The following MAG variants were observed in gnomAD, a reference collection of about 807,000 sequenced individuals.
MAG encodes myelin-associated glycoprotein.
A neutral mutation model predicts 60.7 loss-of-function variants in MAG; 30 were observed. The ratio of observed to expected loss-of-function variants is 0.49; its 90% CI spans 0.37 to 0.67. The LOEUF is 0.67. MAG is among the 30% of genes least tolerant of loss of function. The pLI, the probability that MAG is intolerant of heterozygous loss-of-function variation, is 0.00. For synonymous variants in MAG, 384 were observed against 376.8 expected (o/e 1.02, Z -0.22); for missense variants, 795 against 851.7 (o/e 0.93, Z 0.83).
Position 35,293,110 on chromosome 19 carries a change from T to C in MAG, c.-80+906T>C, listed in dbSNP as rs950794786. Among the ~76,000 whole-genome samples the C allele has an allele frequency of 6.6e-6, 1 of 152,108 alleles. No individual in the cohort carries two copies. Among genetic ancestry groups the C allele is most frequent in the African/African-American group, 2.4e-5 (1 of 41,420 alleles). On this transcript the variant is annotated intron_variant, in intron 1 of 10. Coordinates refer to ENST00000392213, the MANE Select transcript of MAG (RefSeq NM_002361.4). This position sits in a 1 kb window ranked among gnomAD's most constrained non-coding sequence, Gnocchi z 4.0. Reference sequence around the variant, plus strand: ...CTTGTTTCATGTCTGCCCGGGCACGTGCTCATCCTCATCTGCATCTCTCTC... The same window carrying C: ...CTTGTTTCATGTCTGCCCGGGCACGCGCTCATCCTCATCTGCATCTCTCTC...
rs1243373608 is a variant in MAG at position 35,296,226 on chromosome 19, A to C, written c.415+245A>C. 2.6e-5 allele frequency among the ~76,000 whole-genome samples: 4 copies of C among 152,196 alleles called. No individual in the cohort carries two copies. In the East Asian group the frequency reaches 7.7e-4, roughly 29 times the overall value. On this transcript the variant is annotated intron_variant, in intron 4 of 10. Transcript: ENST00000392213. ...GAAACAGGTGCTGCTACTCTTTTGG[A>C]AACACCTGGAGAAAGGCAGTGGGGC...
At chr19:35,307,166 G>A (rs761960044) in intron 7 of MAG, among the ~76,000 whole-genome samples, 3 of 152,358 alleles carry the variant, frequency 2.0e-5, no homozygotes, top group Admixed American at 2.0e-4. Flanking sequence ...AATGTACTCC[G>A]TGGCGTGTTA....
At chr19:35,311,750 G>A (rs1216524357) in intron 9 of MAG, among the ~76,000 whole-genome samples, 168 bp from the exon 10 acceptor site, 1 of 152,202 alleles carries the variant, frequency 6.6e-6, no homozygotes, top group African/African-American at 2.4e-5. Context: ...CACAGAGGTG[G>A]GAAGGATGGG....
At chr19:35,311,094 G>A (rs2066523785) in intron 9 of MAG, among the ~76,000 whole-genome samples, 1 of 152,192 alleles carries the variant, frequency 6.6e-6, no homozygotes. Context: ...CACTTTAGGA[G>A]GCCAAGGAGG....
intron 4 of MAG, among the ~76,000 whole-genome samples, chr19:35,296,859 CACACACT>C (rs2066401898): frequency 6.6e-6 from 1 of 150,382 alleles, no homozygotes; most frequent in Non-Finnish European, 1.5e-5. Context: ...AACCACACAC[CACACACT>C]GCTCCTGCTA....
chr19:35,312,183 G>T, intron 10 of MAG, 166 bp downstream of exon 10: 2 of 1,322,254 alleles, frequency 1.5e-6, no homozygotes, highest in Non-Finnish European at 2.2e-6. Context: ...GGGAGGAGGT[G>T]CCCAGGCCGA....
chr19:35,299,020 C>T (rs2066425122), intron 4 of MAG, among the ~76,000 whole-genome samples: 1 of 149,880 alleles, frequency 6.7e-6, no homozygotes, highest in Non-Finnish European at 1.5e-5. Context: ...CATCACACTA[C>T]ACACATGCAC....
chr19:35,302,838 G>A (rs933889466), intron 7 of MAG, 130 bp downstream of exon 7: 3 of 1,132,852 alleles, frequency 2.6e-6, no homozygotes, highest in African/African-American at 1.5e-5. Context: ...GGAAGGGAGG[G>A]CAGGGAAGCT....
rs540271778 is a variant in MAG at position 35,302,797 on chromosome 19, T to C, written c.1231+89T>C. Reference sequence around the variant, plus strand: ...GTGGGTGCCCACGCATCCCAATCAGTATTGGCTTTGCCTGTCCTCCGCAGA... The same window carrying C: ...GTGGGTGCCCACGCATCCCAATCAGCATTGGCTTTGCCTGTCCTCCGCAGA... On this transcript the variant is annotated intron_variant, in intron 7 of 10. Transcript: ENST00000392213. 51 of 1,517,726 alleles carry C rather than the reference T, an allele frequency of 3.4e-5. No homozygotes were observed. The East Asian group carries it at 1.1e-3, about 34-fold the overall frequency. 94.0% of individuals were successfully genotyped at this position (1,517,726 alleles called of 1,614,324 possible).
chr19:35,301,439 T>C (rs1051161279), intron 6 of MAG, among the ~76,000 whole-genome samples: 7 of 149,294 alleles, frequency 4.7e-5, no homozygotes, highest in African/African-American at 1.7e-4. Flanking sequence ...CTTTTTTTTT[T>C]TTTTTTTTTT....
At position 35,295,899 on chromosome 19, in the gene MAG, G is replaced by A; in HGVS notation, c.333G>A (p.Leu111=). The A allele has an allele frequency of 1.9e-6, 3 of 1,614,008 alleles. No individual in the cohort carries two copies. Among genetic ancestry groups the A allele is most frequent in the Non-Finnish European group, 2.5e-6 (3 of 1,179,996 alleles). The change falls in exon 4 of 11, where the codon CTG becomes CTA. Residue 111 remains leucine, a synonymous_variant. Transcript: ENST00000392213. The surrounding 1 kb of genome is among the most constrained non-coding windows in gnomAD (Gnocchi z 5.8). ...TGCTCAGCAACGTCAGCCCCGAGCTGGGCGGGAAGTACTACTTCCGTGGGG... is the reference window on the plus strand; with the variant it reads ...TGCTCAGCAACGTCAGCCCCGAGCTAGGCGGGAAGTACTACTTCCGTGGGG... The part of the protein sequence containing the change: ...TLLLSNVSPE[L]GGKYYFRGDL...
At chr19:35,299,952 G>A in intron 5 of MAG, 102 bp downstream of exon 5, 1 of 1,239,710 alleles carries the variant, frequency 8.1e-7, no homozygotes, top group Non-Finnish European at 1.0e-6. Flanking sequence ...GGGCCGTGAT[G>A]GGGGCGGGGC....
At chr19:35,297,617 C>T (rs1240139560) in intron 4 of MAG, among the ~76,000 whole-genome samples, 1 of 147,656 alleles carries the variant, frequency 6.8e-6, no homozygotes, top group Non-Finnish European at 1.5e-5. Flanking sequence ...ACACACCACA[C>T]ACTGCACACA....
In MAG at chr19:35,309,684, G is replaced by A. The variant is rs182547812; in HGVS notation, c.1232-190G>A. 545 of 630,944 alleles carry A rather than the reference G, an allele frequency of 8.6e-4. 2 individuals carry two copies. Among genetic ancestry groups the A allele is most frequent in the Non-Finnish European group, 1.4e-4 (51 of 359,774 alleles). 39.1% of individuals were successfully genotyped at this position (630,944 alleles called of 1,614,324 possible). On this transcript the variant is annotated intron_variant, in intron 7 of 10. Coordinates refer to ENST00000392213, the MANE Select transcript of MAG (RefSeq NM_002361.4). Reference sequence around the variant, plus strand: ...AAGCTTGCAGTGAAAACAGGCAGCCGGCGGGGTCGTAGTGAGGTCAAGGCG... The same window carrying A: ...AAGCTTGCAGTGAAAACAGGCAGCCAGCGGGGTCGTAGTGAGGTCAAGGCG...
At chr19:35,313,136 G>C (rs2066540847) in intron 10 of MAG, among the ~76,000 whole-genome samples, 154 bp from the exon 11 acceptor site, 1 of 152,220 alleles carries the variant, frequency 6.6e-6, no homozygotes, top group Non-Finnish European at 1.5e-5. Context: ...GGTGACCGCA[G>C]GGCTCGCTGG....
intron 8 of MAG, 57 bp downstream of exon 8, chr19:35,310,218 C>T: frequency 1.3e-6 from 2 of 1,548,518 alleles, no homozygotes; most frequent in Non-Finnish European, 1.8e-6. Context: ...CGTCTTAGAT[C>T]CAAGCTCCCA....
chr19:35,306,202 C>G (rs1360684450), intron 7 of MAG, among the ~76,000 whole-genome samples: 1 of 150,592 alleles, frequency 6.6e-6, no homozygotes, highest in Non-Finnish European at 1.5e-5. Context: ...CTGTCCCACC[C>G]CCCCACTCCC....
intron 4 of MAG, among the ~76,000 whole-genome samples, chr19:35,297,397 CCACA>C (rs779307219): frequency 1.2e-4 from 18 of 144,402 alleles, no homozygotes; most frequent in Non-Finnish European, 2.3e-4. Flanking sequence ...TACACACACA[CCACA>C]CAAACACCAC....
At chr19:35,309,011 C>T (rs1478564573) in intron 7 of MAG, among the ~76,000 whole-genome samples, 1 of 152,102 alleles carries the variant, frequency 6.6e-6, no homozygotes, top group Non-Finnish European at 1.5e-5. Context: ...TTTAGGTGAA[C>T]CACGGAGCAA....
Sources: allele counts gnomAD v4.1 joint callset (sites outside exome capture counted in the v4.1 genomes callset), GRCh38; gene constraint gnomAD v4.1.1; non-coding constraint Gnocchi (gnomAD v3.1); transcripts MANE v1.5; gene names NCBI Gene and HGNC (gene_info 2026-07-23, HGNC 2026-07-21).